PCED1B: variants seen among roughly 807,000 people sequenced by gnomAD.
PCED1B encodes the protein PC-esterase domain containing 1B, also known as PC-esterase domain-containing protein 1B.
For missense variants in PCED1B, 573 were observed against 573.9 expected (o/e 1.00, Z 0.02); for synonymous variants, 251 against 246.1 (o/e 1.02, Z -0.19).
chr12:47,216,875 G>A (rs182813802), intron 3 of PCED1B, among the ~76,000 whole-genome samples, 186 bp downstream of exon 3: 22 of 152,226 alleles, frequency 1.4e-4, no homozygotes, highest in Admixed American at 3.3e-4. Flanking sequence ...AAATATTAGT[G>A]ATTGATAAAC....
chr12:47,094,221 T>A (rs937015298), intron 1 of PCED1B, among the ~76,000 whole-genome samples: 1 of 152,160 alleles, frequency 6.6e-6, no homozygotes, highest in Non-Finnish European at 1.5e-5. Context: ...GCCTTACAGT[T>A]CACATTGTCT....
Position 47,235,230 on chromosome 12 carries a change from T to A in PCED1B, c.167T>A (p.Phe56Tyr). 2 of 1,611,572 alleles carry A rather than the reference T, an allele frequency of 1.2e-6. No homozygotes were observed. Among genetic ancestry groups the A allele is most frequent in the Non-Finnish European group, 1.7e-6 (2 of 1,178,582 alleles). ...CTTAGAGCAAGGGGGGAGCTGAACT[T>A]CGAACAAGATGAGCTGGTGGACGGA... is the stretch of plus-strand genomic sequence containing the variant. ...GQLRARGELN[F>Y]EQDELVDGGQ... The change falls in exon 4 of 4, where the codon TTC becomes TAC. Residue 56 changes from phenylalanine to tyrosine, a missense_variant. Transcript: ENST00000546455.
intron 2 of PCED1B, among the ~76,000 whole-genome samples, chr12:47,134,111 G>A (rs578250288): frequency 6.6e-6 from 1 of 152,310 alleles, no homozygotes; most frequent in Non-Finnish European, 1.5e-5. Flanking sequence ...GTCCCTGACT[G>A]TATTATGATG....
intron 2 of PCED1B, among the ~76,000 whole-genome samples, chr12:47,131,541 C>G (rs1244881578): frequency 6.6e-6 from 1 of 152,070 alleles, no homozygotes; most frequent in African/African-American, 2.4e-5. Flanking sequence ...ACTGTTGACA[C>G]CACAGAGCAC....
At chr12:47,142,185 G>A (rs1940620392) in intron 2 of PCED1B, among the ~76,000 whole-genome samples, 1 of 152,070 alleles carries the variant, frequency 6.6e-6, no homozygotes, top group Non-Finnish European at 1.5e-5. Flanking sequence ...GAGAGGATCC[G>A]TGCTCACTTG....
intron 3 of PCED1B, among the ~76,000 whole-genome samples, chr12:47,220,919 G>C (rs751823822): frequency 1.3e-5 from 2 of 152,154 alleles, no homozygotes; most frequent in African/African-American, 2.4e-5. Flanking sequence ...AAAGACATGA[G>C]AAAAGGCCCT....
intron 2 of PCED1B, among the ~76,000 whole-genome samples, chr12:47,143,762 T>C (rs558680818): frequency 1.3e-5 from 2 of 152,116 alleles, no homozygotes; most frequent in Non-Finnish European, 2.9e-5. Flanking sequence ...AGACCCTGAA[T>C]AGTTAAAACA....
intron 2 of PCED1B, among the ~76,000 whole-genome samples, chr12:47,186,092 C>T (rs981087433): frequency 1.3e-5 from 2 of 151,964 alleles, no homozygotes; most frequent in Non-Finnish European, 2.9e-5. Context: ...GTGGCACGCC[C>T]CTGTAATCCC....
intron 2 of PCED1B, among the ~76,000 whole-genome samples, chr12:47,174,553 T>G (rs1431888282): frequency 1.3e-5 from 2 of 152,240 alleles, no homozygotes; most frequent in Non-Finnish European, 2.9e-5. Context: ...GGCTGTGCAT[T>G]GGCATACTCT....
intron 2 of PCED1B, among the ~76,000 whole-genome samples, chr12:47,178,866 C>CAA (rs35135157): frequency 6.8e-4 from 55 of 81,150 alleles, no homozygotes; most frequent in East Asian, 3.4e-3. Context: ...GACTCCATCT[C>CAA]AAAAAAAAAA....
At chr12:47,179,481 C>A (rs143788309) in intron 2 of PCED1B, among the ~76,000 whole-genome samples, 556 of 152,232 alleles carry the variant, frequency 3.7e-3, no homozygotes, top group African/African-American at 0.012. Flanking sequence ...ACCATTCTGG[C>A]GAAATAATAT....
intron 1 of PCED1B, among the ~76,000 whole-genome samples, chr12:47,084,077 G>T (rs1227711584): frequency 2.0e-5 from 3 of 151,840 alleles, no homozygotes; most frequent in African/African-American, 7.3e-5. Flanking sequence ...ATTTACAATG[G>T]GATTACATTC....
chr12:47,190,992 C>A (rs61927720), intron 2 of PCED1B, among the ~76,000 whole-genome samples: 10,473 of 152,206 alleles, frequency 0.069, 537 homozygotes, highest in African/African-American at 0.14. Flanking sequence ...AAAAGAAAAA[C>A]CAGTTCATTA....
intron 2 of PCED1B, among the ~76,000 whole-genome samples, chr12:47,196,756 C>T (rs1185389375): frequency 6.6e-6 from 1 of 151,832 alleles, no homozygotes; most frequent in African/African-American, 2.4e-5. Flanking sequence ...ACCCAGGAGA[C>T]GGAGGTTGCA....
chr12:47,122,026 C>CAA (rs61540740), intron 2 of PCED1B, among the ~76,000 whole-genome samples: 14 of 103,728 alleles, frequency 1.3e-4, no homozygotes, highest in Non-Finnish European at 1.8e-4. Context: ...GACTCCATCT[C>CAA]AAAAAAAAAA....
Position 47,131,673 on chromosome 12 carries a change from C to CTTTTTTTTTTTTTTTTTTTTTTTT in PCED1B, c.-526+27492_-526+27493insTTTTTTTTTTTTTTTTTTTTTTTT, listed in dbSNP as rs760678015. Among the ~76,000 whole-genome samples, 52 of 127,980 alleles carry CTTTTTTTTTTTTTTTTTTTTTTTT rather than the reference C, an allele frequency of 4.1e-4. 3 individuals carry two copies. Among genetic ancestry groups the CTTTTTTTTTTTTTTTTTTTTTTTT allele is most frequent in the African/African-American group, 1.7e-3 (47 of 27,920 alleles). The allele number at this position is 127,980 out of a possible 152,430, so 84.0% of individuals were successfully genotyped here. Reference sequence around the variant, plus strand: ...CTGACACTATTGTCATGTTTTACTTCTTTTTTTTTTTTTTGAGAAGGAGTC... The same window carrying CTTTTTTTTTTTTTTTTTTTTTTTT: ...CTGACACTATTGTCATGTTTTACTTCTTTTTTTTTTTTTTTTTTTTTTTTTTTTTTTTTTTTTTGAGAAGGAGTC... On this transcript the variant is annotated intron_variant, in intron 2 of 3. Coordinates refer to ENST00000546455, the MANE Select transcript of PCED1B (RefSeq NM_138371.3).
At chr12:47,186,112 G>A (rs1486487236) in intron 2 of PCED1B, among the ~76,000 whole-genome samples, 1 of 151,958 alleles carries the variant, frequency 6.6e-6, no homozygotes, top group Non-Finnish European at 1.5e-5. Flanking sequence ...CAGCTACTCA[G>A]GAGACTGAGG....
chr12:47,230,944 A>C (rs1207889336), intron 3 of PCED1B, among the ~76,000 whole-genome samples: 1 of 152,206 alleles, frequency 6.6e-6, no homozygotes, highest in Middle Eastern at 3.2e-3. Context: ...CTCACATCAG[A>C]TATATGAAGT....
intron 3 of PCED1B, among the ~76,000 whole-genome samples, chr12:47,225,833 A>G (rs146755138): frequency 8.1e-4 from 124 of 152,326 alleles, no homozygotes; most frequent in African/African-American, 2.2e-3. Context: ...ACTTCTCTAC[A>G]GTATCTCTAA....
Sources: gnomAD v4.1 joint callset for allele counts (sites outside exome capture counted in the v4.1 genomes callset) on GRCh38, gnomAD v4.1.1 for gene constraint, MANE v1.5 for transcripts, NCBI Gene and HGNC (gene_info 2026-07-23, HGNC 2026-07-21) for gene names.